Variants in CCDC171 observed in about 807,000 individuals in gnomAD.
The protein encoded by CCDC171 is coiled-coil domain containing 171.
A neutral mutation model predicts 168.2 loss-of-function variants in CCDC171; 177 were observed. That is an observed-to-expected ratio of 1.05 (90% CI 0.93 to 1.19). CCDC171 has a LOEUF of 1.19. CCDC171 is among the 50% of genes most tolerant of loss of function. The pLI is 0.00. For synonymous variants in CCDC171, 687 were observed against 540.8 expected, an observed-to-expected ratio of 1.27 and a Z score of -3.75; for missense variants, 1,991 against 1,539.0, an observed-to-expected ratio of 1.29 and a Z score of -4.91.
At chr9:15,621,168 T>C (rs1156474958) in intron 6 of CCDC171, among the ~76,000 whole-genome samples, 2 of 152,206 alleles carry the variant, frequency 1.3e-5, no homozygotes, top group African/African-American at 2.4e-5. Context: ...GGTTTTGCCA[T>C]GTTGGCCAGG....
chr9:15,776,514 C>T (rs370462529), intron 18 of CCDC171, among the ~76,000 whole-genome samples: 91 of 152,130 alleles, frequency 6.0e-4, no homozygotes, highest in African/African-American at 2.0e-3. Flanking sequence ...ACTTTATTTC[C>T]AATTTATGTA....
intron 6 of CCDC171, among the ~76,000 whole-genome samples, chr9:16,032,180 G>A (rs547031912): frequency 6.6e-6 from 1 of 152,332 alleles, no homozygotes; most frequent in African/African-American, 2.4e-5. Context: ...AAGTGGGTAG[G>A]ATGCTGCCAA....
intron 21 of CCDC171, among the ~76,000 whole-genome samples, chr9:15,804,398 A>G (rs1170125139): frequency 2.0e-5 from 3 of 150,724 alleles, no homozygotes; most frequent in African/African-American, 4.9e-5. Context: ...TATTTGAGGT[A>G]TGTTCCTTCA....
At chr9:15,596,474 T>C (rs1372168362) in intron 6 of CCDC171, among the ~76,000 whole-genome samples, 6 of 152,202 alleles carry the variant, frequency 3.9e-5, no homozygotes, top group Non-Finnish European at 5.9e-5. Flanking sequence ...CTATTATTTC[T>C]GAGGGCTCTG....
chr9:15,679,528 T>G (rs2133428667), intron 10 of CCDC171, among the ~76,000 whole-genome samples: 1 of 152,272 alleles, frequency 6.6e-6, no homozygotes, highest in South Asian at 2.1e-4. Context: ...CATATTAGAG[T>G]GCTCCTTGTT....
Position 15,588,950 on chromosome 9 carries a change from T to TCCGC in CCDC171, c.353-2414_353-2411dup, listed in dbSNP as rs777527409. Among the ~76,000 whole-genome samples, 16 of 152,150 alleles carry TCCGC rather than the reference T, an allele frequency of 1.1e-4. No individual in the cohort carries two copies. In the East Asian group the frequency reaches 2.7e-3, roughly 26 times the overall value. On this transcript the variant is annotated intron_variant, in intron 4 of 25. Coordinates refer to ENST00000380701, the MANE Select transcript of CCDC171 (RefSeq NM_173550.4). ...TGGTCTCGATGTCCTGACCTTGTGA[T>TCCGC]CCGCCTGCCTCGGCCTCCCAAAGGG...
intron 18 of CCDC171, among the ~76,000 whole-genome samples, chr9:15,763,629 TCTC>T (rs2056569116): frequency 6.6e-6 from 1 of 152,192 alleles, no homozygotes; most frequent in Non-Finnish European, 1.5e-5. Flanking sequence ...TGGCCAGACT[TCTC>T]CTTAGGTGAG....
intron 10 of CCDC171, among the ~76,000 whole-genome samples, chr9:15,687,711 C>T (rs370307337): frequency 6.6e-6 from 1 of 152,082 alleles, no homozygotes; most frequent in Non-Finnish European, 1.5e-5. Flanking sequence ...CTACTGACCA[C>T]GCAGAAATAG....
chr9:15,935,910 C>T (rs1013258423), intron 25 of CCDC171, among the ~76,000 whole-genome samples: 7 of 151,972 alleles, frequency 4.6e-5, no homozygotes, highest in Non-Finnish European at 8.8e-5. Context: ...GTGACTAGTG[C>T]CTTCATATTG....
chr9:15,629,723 T>G (rs542889540), intron 7 of CCDC171, among the ~76,000 whole-genome samples: 6 of 152,200 alleles, frequency 3.9e-5, no homozygotes, highest in Non-Finnish European at 8.8e-5. Context: ...GACACATAAT[T>G]GTCAGATTCA....
chr9:15,991,249 C>G (rs914691535), intron 3 of CCDC171, among the ~76,000 whole-genome samples: 1 of 152,152 alleles, frequency 6.6e-6, no homozygotes, highest in African/African-American at 2.4e-5. Context: ...ACAGTGCGAT[C>G]AAACTAGAAC....
At chr9:16,037,936 A>G (rs1001825757), upstream of CCDC171, among the ~76,000 whole-genome samples, 4 of 152,202 alleles carry the variant, frequency 2.6e-5, no homozygotes, top group Admixed American at 6.5e-5. Flanking sequence ...GATAAATATC[A>G]TAAGATTCAG....
chr9:15,800,745 G>A (rs1347984358), intron 21 of CCDC171, among the ~76,000 whole-genome samples: 1 of 152,058 alleles, frequency 6.6e-6, no homozygotes, highest in Non-Finnish European at 1.5e-5. Flanking sequence ...TATAGTTTGA[G>A]CTGTTAGATT....
At chr9:15,947,135 C>G (rs950671866) in intron 25 of CCDC171, among the ~76,000 whole-genome samples, 1 of 151,896 alleles carries the variant, frequency 6.6e-6, no homozygotes, top group Non-Finnish European at 1.5e-5. Flanking sequence ...AATGGAAGAA[C>G]AAGTGATGTG....
At chr9:15,615,969 G>C (rs1262757236) in intron 6 of CCDC171, among the ~76,000 whole-genome samples, 1 of 151,592 alleles carries the variant, frequency 6.6e-6, no homozygotes, top group Non-Finnish European at 1.5e-5. Flanking sequence ...TTATTATTTT[G>C]AGATGGAGTC....
At chr9:16,071,283 T>C in the CCDC171 span, among the ~76,000 whole-genome samples, 3 of 152,314 alleles carry the variant, frequency 2.0e-5, no homozygotes, top group South Asian at 6.2e-4. Context: ...TCTGAGTTTT[T>C]CTGCTCCTGT....
At chr9:15,864,882 A>G (rs1236057913) in intron 23 of CCDC171, among the ~76,000 whole-genome samples, 1 of 152,092 alleles carries the variant, frequency 6.6e-6, no homozygotes, top group Non-Finnish European at 1.5e-5. Context: ...TTGTTGGATG[A>G]GTAGAATGGC....
At chr9:15,980,214 C>G (rs1296569475) in intron 3 of CCDC171, among the ~76,000 whole-genome samples, 1 of 152,110 alleles carries the variant, frequency 6.6e-6, no homozygotes, top group East Asian at 1.9e-4. Flanking sequence ...TTTGTAGAAT[C>G]AAAAGGTTCT....
In CCDC171 at chr9:15,623,477, A is replaced by ACGCG. The variant is rs1312830159; in HGVS notation, c.822+65_822+66insGCGC. ...AACTTTCACATATGCGCGCGCGCGC[A>ACGCG]CACACACACACACACACACACACAC... On this transcript the variant is annotated intron_variant, in intron 7 of 25. Coordinates refer to ENST00000380701, the MANE Select transcript of CCDC171 (RefSeq NM_173550.4). The ACGCG allele has an allele frequency of 3.1e-5, 10 of 323,536 alleles. 1 individual carries two copies. The highest frequency in any genetic ancestry group is 1.6e-4 in the Admixed American group (3 of 18,422). The allele number at this position is 323,536 out of a possible 1,614,324, so 20.0% of individuals were successfully genotyped here.
Sources: allele counts gnomAD v4.1 joint callset (sites outside exome capture counted in the v4.1 genomes callset), GRCh38; gene constraint gnomAD v4.1.1; transcripts MANE v1.5; gene names NCBI Gene and HGNC (gene_info 2026-07-23, HGNC 2026-07-21).